MYO16: variants seen among roughly 807,000 people sequenced by gnomAD.
MYO16 encodes the protein myosin XVI.
In MYO16, 94 loss-of-function variants were observed where a neutral mutation model predicts 205.3. That is an observed-to-expected ratio of 0.46 (90% confidence interval 0.39 to 0.54). MYO16 has a LOEUF of 0.54. MYO16 is among the 20% of genes least tolerant of loss of function. The pLI, the probability that MYO16 is intolerant of heterozygous loss-of-function variation, is 0.00. For missense variants in MYO16, 2,315 were observed against 2,387.5 expected, an observed-to-expected ratio of 0.97 and a Z score of 0.63; for synonymous variants, 988 against 954.0, an observed-to-expected ratio of 1.04 and a Z score of -0.66.
intron 1 of MYO16, among the ~76,000 whole-genome samples, chr13:108,618,504 T>C (rs1879427994): frequency 6.6e-6 from 1 of 152,156 alleles, no homozygotes; most frequent in South Asian, 2.1e-4. Context: ...ACATTGTATA[T>C]GGTATGAAGG....
chr13:108,773,064 T>A (rs1406753709), intron 4 of MYO16, among the ~76,000 whole-genome samples: 1 of 152,198 alleles, frequency 6.6e-6, no homozygotes, highest in Non-Finnish European at 1.5e-5. Context: ...TAGTTGGCTA[T>A]CTTCGTACTG....
chr13:109,131,271 T>C (rs1348239680), intron 31 of MYO16, among the ~76,000 whole-genome samples: 1 of 152,188 alleles, frequency 6.6e-6, no homozygotes, highest in Non-Finnish European at 1.5e-5. Context: ...GGAGATCTGA[T>C]CGGAGACCAA....
At chr13:109,020,120 CT>C (rs1404966333) in intron 23 of MYO16, among the ~76,000 whole-genome samples, 1 of 152,100 alleles carries the variant, frequency 6.6e-6, no homozygotes, top group Non-Finnish European at 1.5e-5. Flanking sequence ...CTGTGTGGGC[CT>C]TCTCATAATG....
chr13:108,712,774 G>A, intron 3 of MYO16, 43 bp downstream of exon 3: 1 of 1,520,478 alleles, frequency 6.6e-7, no homozygotes, highest in Non-Finnish European at 9.0e-7. Flanking sequence ...GGGACACCCG[G>A]GGGAGAGTAC....
chr13:108,786,774 A>G (rs779451402), intron 5 of MYO16, among the ~76,000 whole-genome samples: 1 of 152,208 alleles, frequency 6.6e-6, no homozygotes, highest in Non-Finnish European at 1.5e-5. Context: ...TGCTGCTCAC[A>G]TCGTCACCAA....
intron 1 of MYO16, among the ~76,000 whole-genome samples, chr13:108,656,216 G>C (rs1181348031): frequency 1.3e-5 from 2 of 152,064 alleles, no homozygotes; most frequent in Non-Finnish European, 2.9e-5. Flanking sequence ...TGAATCATGG[G>C]AGCAGTTTCC....
At chr13:109,043,405 A>C (rs905418448) in intron 23 of MYO16, among the ~76,000 whole-genome samples, 5 of 152,000 alleles carry the variant, frequency 3.3e-5, no homozygotes, top group Admixed American at 3.3e-4. Flanking sequence ...GTGTGTGTGC[A>C]TGTGTGTGCG....
At chr13:108,696,791 T>C (rs1046505181) in intron 2 of MYO16, among the ~76,000 whole-genome samples, 6 of 152,170 alleles carry the variant, frequency 3.9e-5, no homozygotes, top group African/African-American at 9.7e-5. Flanking sequence ...TGGAACTGCA[T>C]AGTTGCAGGA....
At chr13:108,867,048 C>G (rs1414115327) in intron 12 of MYO16, among the ~76,000 whole-genome samples, 12 of 151,676 alleles carry the variant, frequency 7.9e-5, no homozygotes, top group Admixed American at 7.9e-4. Flanking sequence ...CCCATCTTAT[C>G]AAAAGTCAAT....
In MYO16 at chr13:108,666,051, G is replaced by T. The variant is rs200322681; in HGVS notation, c.194G>T (p.Gly65Val). The change falls in exon 2 of 35, where the codon GGG becomes GTG. Residue 65 changes from glycine (G) to valine (V), a missense_variant. Around this residue, in one of 3 missense-constraint regions of MYO16, gnomAD observed 1,213 missense variants for 1,274.4 expected, o/e 0.95. Transcript: ENST00000457511. ...EREKAFQKQE[G>V]FLKRLKHAKN... ...GAGAAGGCTTTTCAGAAGCAGGAAG[G>T]GTTCCTGAAAAGGCTGAAGCATGCG... 9 of 1,614,132 alleles carry T rather than the reference G, an allele frequency of 5.6e-6. No individual in the cohort carries two copies. Among genetic ancestry groups the T allele is most frequent in the Non-Finnish European group, 7.6e-6 (9 of 1,180,002 alleles).
At chr13:108,771,276 A>G (rs17482617) in intron 4 of MYO16, among the ~76,000 whole-genome samples, 12,113 of 152,234 alleles carry the variant, frequency 0.08, 616 homozygotes, top group Non-Finnish European at 0.12. Flanking sequence ...CTATGTAAGC[A>G]TAAAACATCC....
rs764572092 is a variant in MYO16 at position 108,844,430 on chromosome 13, G to A, written c.1185G>A (p.Lys395=). 1 of 1,613,284 alleles carries A rather than the reference G, an allele frequency of 6.2e-7. No homozygotes were observed. The highest frequency in any genetic ancestry group is 8.5e-7 in the Non-Finnish European group (1 of 1,179,378). The change falls in exon 10 of 35, where the codon AAG becomes AAA. Residue 395 remains lysine (K), a synonymous_variant. Coordinates refer to ENST00000457511, the MANE Select transcript of MYO16 (RefSeq NM_001198950.3). ...AAGATGCAACAAAAGGTCTGTGTAA[G>A]CAGCAGTCTCAGGACAGCATCCCTG... ...MFKDATKGLC[K]QQSQDSIPEN...
intron 4 of MYO16, among the ~76,000 whole-genome samples, chr13:108,729,465 G>C (rs769798333): frequency 3.3e-5 from 5 of 152,166 alleles, no homozygotes; most frequent in Non-Finnish European, 5.9e-5. Flanking sequence ...AGATAGGCTT[G>C]ATTCATGGCT....
Position 108,947,058 on chromosome 13 carries a change from G to A in MYO16, c.1926-10630G>A, listed in dbSNP as rs139377368. 2.5e-3 allele frequency among the ~76,000 whole-genome samples: 382 copies of A among 152,310 alleles called. 1 individual carries two copies. The highest frequency in any genetic ancestry group is 8.8e-3 in the African/African-American group (366 of 41,564). ...AGCATTTGATGAAGGTCAGGGGTGGGCCTGGATGAACCTGCCTAAGAATAC... is the reference window on the plus strand; with the variant it reads ...AGCATTTGATGAAGGTCAGGGGTGGACCTGGATGAACCTGCCTAAGAATAC... On this transcript the variant is annotated intron_variant, in intron 16 of 34. Coordinates refer to ENST00000457511, the MANE Select transcript of MYO16 (RefSeq NM_001198950.3).
chr13:108,506,298 GAT>G, the MYO16 span, among the ~76,000 whole-genome samples: 2 of 151,976 alleles, frequency 1.3e-5, no homozygotes, highest in Non-Finnish European at 2.9e-5. Flanking sequence ...ATGAATACAG[GAT>G]ATCTTTCCAT....
intron 28 of MYO16, among the ~76,000 whole-genome samples, chr13:109,111,694 T>A (rs1333766463): frequency 6.6e-6 from 1 of 151,980 alleles, no homozygotes; most frequent in Non-Finnish European, 1.5e-5. Flanking sequence ...TGTAGACTTT[T>A]TTTTTTTTTT....
Position 108,910,767 on chromosome 13 carries a change from G to A in MYO16, c.1925+617G>A, listed in dbSNP as rs554945014. 2.6e-5 allele frequency among the ~76,000 whole-genome samples: 4 copies of A among 152,210 alleles called. No homozygotes were observed. In the South Asian group the frequency reaches 8.3e-4, roughly 32 times the overall value. On this transcript the variant is annotated intron_variant, in intron 16 of 34. Transcript: ENST00000457511. ...CAGATTTGCATTAGGATGAGAACAA[G>A]AAACAATATGGGAAATGAATCCTGT... is the stretch of plus-strand genomic sequence containing the variant.
chr13:108,712,076 A>G (rs1434398817), intron 2 of MYO16, among the ~76,000 whole-genome samples: 2 of 152,244 alleles, frequency 1.3e-5, no homozygotes, highest in African/African-American at 4.8e-5. Context: ...AAATGGAAAT[A>G]CAGGTCACCT....
chr13:108,791,221 C>T (rs939159833), intron 5 of MYO16, among the ~76,000 whole-genome samples: 5 of 152,118 alleles, frequency 3.3e-5, no homozygotes, highest in South Asian at 2.1e-4. Flanking sequence ...GGAATGGTCA[C>T]GGGTGTTTCT....
Sources: allele counts gnomAD v4.1 joint callset (sites outside exome capture counted in the v4.1 genomes callset), GRCh38; gene constraint gnomAD v4.1.1; regional missense constraint gnomAD v4.1.1; transcripts MANE v1.5; gene names NCBI Gene and HGNC (gene_info 2026-07-23, HGNC 2026-07-21).